Variants in EFNA5 observed in about 807,000 individuals in gnomAD.
EFNA5 encodes ephrin A5, also known as ephrin-A5.
In EFNA5, 5 loss-of-function variants were observed where a neutral mutation model predicts 22.9. That is an observed-to-expected ratio of 0.22 (90% CI 0.11 to 0.46). The LOEUF is 0.46. EFNA5 is among the 20% of genes least tolerant of loss of function. EFNA5 has a pLI of 0.99. For synonymous variants in EFNA5, 113 were observed against 112.2 expected, an observed-to-expected ratio of 1.01 and a Z score of -0.04; for missense variants, 237 against 293.3, an observed-to-expected ratio of 0.81 and a Z score of 1.40.
At chr5:107,434,286 C>T (rs1749051967) in intron 1 of EFNA5, among the ~76,000 whole-genome samples, 1 of 152,160 alleles carries the variant, frequency 6.6e-6, no homozygotes. Flanking sequence ...GCTTTTCTTC[C>T]TTATGATTTT....
chr5:107,390,985 C>G (rs1231539314), intron 2 of EFNA5, among the ~76,000 whole-genome samples: 1 of 152,034 alleles, frequency 6.6e-6, no homozygotes, highest in Non-Finnish European at 1.5e-5. Flanking sequence ...TTGGCAAAAC[C>G]CTGTCTCTAC....
intron 2 of EFNA5, among the ~76,000 whole-genome samples, chr5:107,412,774 T>C (rs780804084): frequency 6.6e-5 from 10 of 152,212 alleles, no homozygotes; most frequent in Non-Finnish European, 1.2e-4. Flanking sequence ...ACACTCTAAA[T>C]GAACCACAGT....
intron 1 of EFNA5, among the ~76,000 whole-genome samples, chr5:107,613,714 T>G (rs1415218356): frequency 6.6e-6 from 1 of 152,042 alleles, no homozygotes; most frequent in Non-Finnish European, 1.5e-5. Flanking sequence ...TTCAAATAAA[T>G]GAAAAGAGAA....
chr5:107,636,411 A>T (rs1433923728), intron 1 of EFNA5, among the ~76,000 whole-genome samples: 1 of 152,216 alleles, frequency 6.6e-6, no homozygotes, highest in African/African-American at 2.4e-5. Context: ...AATTCAATAC[A>T]AGAAAATGCT....
At chr5:107,381,601 T>C (rs1339002606) in intron 4 of EFNA5, among the ~76,000 whole-genome samples, 1 of 152,154 alleles carries the variant, frequency 6.6e-6, no homozygotes, top group Non-Finnish European at 1.5e-5. Context: ...TCCTTAAAAA[T>C]TGAGGGGAAA....
At chr5:107,615,807 T>C (rs42449) in intron 1 of EFNA5, among the ~76,000 whole-genome samples, 53,879 of 152,024 alleles carry the variant, frequency 0.35, 9,812 homozygotes, top group African/African-American at 0.41. Flanking sequence ...CGTCCATCTT[T>C]TCTTCCCTCC....
rs1398263837 is a variant in EFNA5 at position 107,479,114 on chromosome 5, ATTACT to A, written c.126-51610_126-51606del. Among the ~76,000 whole-genome samples the A allele has an allele frequency of 5.3e-5, 8 of 152,324 alleles. No individual in the cohort carries two copies. The South Asian group carries it at 8.3e-4, about 16-fold the overall frequency. The stretch of plus-strand genomic sequence containing the variant: ...GCTAATGACCTTATCTTAACCATAA[ATTACT>A]TTAGTTTGTAGAGATTTGTTCACAC... On this transcript the variant is annotated intron_variant, in intron 1 of 4. Transcript: ENST00000333274.
In EFNA5 at chr5:107,416,630, A is replaced by C. The variant is rs574122567; in HGVS notation, c.418+10587T>G. Among the ~76,000 whole-genome samples, 28 of 152,352 alleles carry C rather than the reference A, an allele frequency of 1.8e-4. No homozygotes were observed. The South Asian group carries it at 5.8e-3, about 32-fold the overall frequency. On this transcript the variant is annotated intron_variant, in intron 2 of 4. Transcript: ENST00000333274. Reference sequence around the variant, plus strand: ...CAGAACAAGTGTTACCGGAGGAGTTATTAGTTAAAGCATGAGTAAACCTTT... The same window carrying C: ...CAGAACAAGTGTTACCGGAGGAGTTCTTAGTTAAAGCATGAGTAAACCTTT...
At chr5:107,424,479 G>A (rs1017945024) in intron 2 of EFNA5, among the ~76,000 whole-genome samples, 3 of 151,318 alleles carry the variant, frequency 2.0e-5, no homozygotes, top group Non-Finnish European at 4.4e-5. Flanking sequence ...GCCTCCCAAA[G>A]TGCTAGGATT....
intron 2 of EFNA5, among the ~76,000 whole-genome samples, chr5:107,416,141 A>T (rs918227917): frequency 1.3e-5 from 2 of 152,212 alleles, no homozygotes; most frequent in Non-Finnish European, 2.9e-5. Flanking sequence ...AAACCATTCA[A>T]TAGTACTCTG....
intron 1 of EFNA5, among the ~76,000 whole-genome samples, chr5:107,430,845 C>A (rs1173095180): frequency 7.1e-6 from 1 of 141,134 alleles, no homozygotes; most frequent in African/African-American, 2.8e-5. Flanking sequence ...GGTGTGATCT[C>A]GGCTCACTGC....
chr5:107,553,833 T>C (rs1182603435), intron 1 of EFNA5, among the ~76,000 whole-genome samples: 1 of 152,236 alleles, frequency 6.6e-6, no homozygotes, highest in East Asian at 1.9e-4. Flanking sequence ...ATTATCATTC[T>C]GAGGGATTAG....
intron 2 of EFNA5, among the ~76,000 whole-genome samples, chr5:107,418,573 C>T (rs982998317): frequency 6.6e-6 from 1 of 152,134 alleles, no homozygotes; most frequent in Admixed American, 6.5e-5. Flanking sequence ...ACTCTACATG[C>T]TTCCTCTGTC....
At chr5:107,532,998 G>T (rs571303332) in intron 1 of EFNA5, among the ~76,000 whole-genome samples, 1 of 152,276 alleles carries the variant, frequency 6.6e-6, no homozygotes, top group South Asian at 2.1e-4. Context: ...ACAGCTCACG[G>T]CAGCTAAAGA....
intron 1 of EFNA5, among the ~76,000 whole-genome samples, chr5:107,574,124 A>G (rs1352902912): frequency 6.6e-6 from 1 of 152,252 alleles, no homozygotes; most frequent in Non-Finnish European, 1.5e-5. Context: ...GGGGATAAGT[A>G]TGATAACTAT....
chr5:107,650,467 T>C (rs955164805), intron 1 of EFNA5, among the ~76,000 whole-genome samples: 1 of 152,146 alleles, frequency 6.6e-6, no homozygotes, highest in Non-Finnish European at 1.5e-5. Context: ...GAAACTAAGA[T>C]GAAAGTGAGG....
chr5:107,488,782 C>G (rs1430290867), intron 1 of EFNA5, among the ~76,000 whole-genome samples: 3 of 152,114 alleles, frequency 2.0e-5, no homozygotes, highest in Non-Finnish European at 4.4e-5. Context: ...ACCTCTGCCT[C>G]CTGGGTTGAA....
At chr5:107,610,845 T>C (rs1208181500) in intron 1 of EFNA5, among the ~76,000 whole-genome samples, 1 of 152,084 alleles carries the variant, frequency 6.6e-6, no homozygotes, top group African/African-American at 2.4e-5. Context: ...TAGGCACATA[T>C]TCAAAGGTAG....
At chr5:107,502,657 C>T (rs1747162245) in intron 1 of EFNA5, among the ~76,000 whole-genome samples, 1 of 152,132 alleles carries the variant, frequency 6.6e-6, no homozygotes, top group Non-Finnish European at 1.5e-5. Context: ...TGGCCGTGCT[C>T]GAAGTGTATC....
Sources: allele counts gnomAD v4.1 joint callset (sites outside exome capture counted in the v4.1 genomes callset), GRCh38; gene constraint gnomAD v4.1.1; transcripts MANE v1.5; gene names NCBI Gene and HGNC (gene_info 2026-07-23, HGNC 2026-07-21).